Variants in ZBTB10 observed in about 807,000 individuals in gnomAD.
ZBTB10 encodes the protein zinc finger and BTB domain containing 10.
Under a neutral mutation model 76.4 loss-of-function variants are expected in ZBTB10, and 32 were observed. The observed-to-expected ratio is 0.42, with a 90% CI of 0.32 to 0.56. The LOEUF is 0.56. Among genes scored for constraint, ZBTB10 ranks in the 20% least tolerant of loss-of-function variants. ZBTB10 has a pLI of 0.14. For missense variants in ZBTB10, 1,057 were observed against 1,098.5 expected, an observed-to-expected ratio of 0.96 and a Z score of 0.53; for synonymous variants, 523 against 432.9, an observed-to-expected ratio of 1.21 and a Z score of -2.58.
intron 1 of ZBTB10, among the ~76,000 whole-genome samples, chr8:80,493,193 A>ATGCGCGCG (rs1491520799): frequency 3.2e-5 from 4 of 124,516 alleles, no homozygotes; most frequent in Admixed American, 8.1e-5. Context: ...GTGCCTCAAA[A>ATGCGCGCG]CGCGCGCGCG....
chr8:80,486,508 C>CTCTCCGCCGCCCGCCCCCT lies in ZBTB10; in HGVS notation c.-295_-277dup. The CTCTCCGCCGCCCGCCCCCT allele has an allele frequency of 1.0e-6, 1 of 985,358 alleles. No homozygotes were observed. The highest frequency in any genetic ancestry group is 1.2e-6 in the Non-Finnish European group (1 of 830,138). The allele number at this position is 985,358 out of a possible 1,614,324, so 61.0% of individuals were successfully genotyped here. Reference sequence around the variant, plus strand: ...CGCTCGCTGCAGGCTCGCTCCTCACCTCTCCGCCGCCCGCCCCCTTCTCCG... The same window carrying CTCTCCGCCGCCCGCCCCCT: ...CGCTCGCTGCAGGCTCGCTCCTCACCTCTCCGCCGCCCGCCCCCTTCTCCGCCGCCCGCCCCCTTCTCCG... On this transcript the variant is annotated 5_prime_UTR_variant, in exon 1 of 6. Transcript: ENST00000455036.
chr8:80,495,085 C>T (rs1403859855), intron 1 of ZBTB10, among the ~76,000 whole-genome samples: 1 of 151,624 alleles, frequency 6.6e-6, no homozygotes, highest in Non-Finnish European at 1.5e-5. Context: ...GTGCCTATAG[C>T]AATGGTTCTA....
intron 2 of ZBTB10, among the ~76,000 whole-genome samples, chr8:80,506,159 C>A (rs1490649879): frequency 6.6e-6 from 1 of 151,898 alleles, no homozygotes; most frequent in Non-Finnish European, 1.5e-5. Flanking sequence ...CAGACAGCCT[C>A]CCTAATGGGA....
intron 1 of ZBTB10, among the ~76,000 whole-genome samples, chr8:80,494,893 C>G (rs1178013179): frequency 6.7e-6 from 1 of 149,784 alleles, no homozygotes; most frequent in East Asian, 2.0e-4. Context: ...CCACTGCACT[C>G]CAGCCTGGGT....
chr8:80,514,440 A>G (rs1168589736), intron 3 of ZBTB10, among the ~76,000 whole-genome samples: 1 of 152,240 alleles, frequency 6.6e-6, no homozygotes, highest in Non-Finnish European at 1.5e-5. Flanking sequence ...ATATAAAAAC[A>G]AAGAATCCAT....
intron 1 of ZBTB10, among the ~76,000 whole-genome samples, chr8:80,497,940 C>A (rs183029810): frequency 1.3e-5 from 2 of 152,090 alleles, no homozygotes; most frequent in Admixed American, 1.3e-4. Context: ...GGATTACAGG[C>A]GTGAGCCACC....
In ZBTB10 at chr8:80,514,018, G is replaced by A. The variant is rs753430726; in HGVS notation, c.1960+10G>A. The A allele has an allele frequency of 1.2e-6, 2 of 1,610,816 alleles. No homozygotes were observed. Among genetic ancestry groups the A allele is most frequent in the Admixed American group, 3.3e-5 (2 of 59,786 alleles). ...GATGGAGGTGATGCTGGTAGGTACA[G>A]TAAGATTTTAGCAACAGTACATTTA... On this transcript the variant is annotated intron_variant, in intron 3 of 5. Coordinates refer to ENST00000455036, the MANE Select transcript of ZBTB10 (RefSeq NM_001105539.3).
rs749017672 is a variant in ZBTB10, at chr8:80,500,393, T to C, written c.1861+11T>C. 4.6e-6 allele frequency: 7 copies of C among 1,531,420 alleles called. No homozygotes were observed. The Admixed American group carries it at 6.5e-5, about 14-fold the overall frequency. 94.9% of individuals were successfully genotyped at this position (1,531,420 alleles called of 1,614,324 possible). ...TCAAGGAAGAACCAGGTAAATATTA[T>C]CTATACAAGGATACTTCCTTGTTCA... On this transcript the variant is annotated intron_variant, in intron 2 of 5. Coordinates refer to ENST00000455036, the MANE Select transcript of ZBTB10 (RefSeq NM_001105539.3).
intron 1 of ZBTB10, among the ~76,000 whole-genome samples, chr8:80,488,273 T>C (rs1261350997): frequency 1.3e-5 from 2 of 152,184 alleles, no homozygotes. Context: ...GCCGAAAAAA[T>C]TCTTTATATG....
At chr8:80,493,198 C>T (rs1393825193) in intron 1 of ZBTB10, among the ~76,000 whole-genome samples, 8 of 112,388 alleles carry the variant, frequency 7.1e-5, no homozygotes, top group Admixed American at 1.8e-4. Context: ...TCAAAACGCG[C>T]GCGCGCGCGC....
rs1467426854 is a variant in ZBTB10, at chr8:80,523,339, G to A, written c.*3811G>A. On this transcript the variant is annotated 3_prime_UTR_variant, in exon 6 of 6. Coordinates refer to ENST00000455036, the MANE Select transcript of ZBTB10 (RefSeq NM_001105539.3). ...AAGACAGCTGTGTTTAGAATTTTGAGTGTCTTTCCTCCCCCCAATAAATTT... is the reference window on the plus strand; with the variant it reads ...AAGACAGCTGTGTTTAGAATTTTGAATGTCTTTCCTCCCCCCAATAAATTT... 6.6e-6 allele frequency: 1 copy of A among 151,944 alleles called. No homozygotes were observed. The highest frequency in any genetic ancestry group is 1.5e-5 in the Non-Finnish European group (1 of 67,870). The allele number at this position is 151,944 out of a possible 1,614,324, so 9.4% of individuals were successfully genotyped here. A position where few individuals can be genotyped will look rare whatever the true frequency, so the allele number is the denominator to read the frequency against.
Position 80,509,057 on chromosome 8 carries a change from A to G in ZBTB10, c.1862-4853A>G, listed in dbSNP as rs113282822. ...AGTAAGATGGGGCAGTCACTTGTCA[A>G]TGAGTTTGCGAGTGAAAGGGAAGCT... On this transcript the variant is annotated intron_variant, in intron 2 of 5. Transcript: ENST00000455036. Among the ~76,000 whole-genome samples, 12 of 152,326 alleles carry G rather than the reference A, an allele frequency of 7.9e-5. 2 individuals are homozygous for G. The highest frequency in any genetic ancestry group is 2.6e-4 in the African/African-American group (11 of 41,586).
chr8:80,512,159 C>G (rs1816210395), intron 2 of ZBTB10, among the ~76,000 whole-genome samples: 1 of 152,108 alleles, frequency 6.6e-6, no homozygotes, highest in African/African-American at 2.4e-5. Context: ...CCCATTTACT[C>G]TAAGCAATAA....
At chr8:80,485,946 T>G, upstream of ZBTB10, 1 of 1,492,194 alleles carries the variant, frequency 6.7e-7, no homozygotes, top group Non-Finnish European at 9.0e-7. Flanking sequence ...GTCCTCCGCG[T>G]AGCCCGGCCC....
At chr8:80,486,044 C>A (rs1465043698), upstream of ZBTB10, 7 of 1,020,632 alleles carry the variant, frequency 6.9e-6, no homozygotes, top group Non-Finnish European at 8.0e-6. Context: ...TCCTTCCCCG[C>A]GGCCGCACCC....
chr8:80,498,885 T>C (rs892261670), intron 1 of ZBTB10, among the ~76,000 whole-genome samples: 3 of 152,238 alleles, frequency 2.0e-5, no homozygotes, highest in African/African-American at 7.2e-5. Flanking sequence ...TAAAGCGTTT[T>C]GAAAGTTGAT....
chr8:80,524,321 A>T lies in ZBTB10; in HGVS notation c.*4793A>T, dbSNP rs1408562857. 5 of 152,118 alleles carry T rather than the reference A, an allele frequency of 3.3e-5. No individual in the cohort carries two copies. Among genetic ancestry groups the T allele is most frequent in the African/African-American group, 7.2e-5 (3 of 41,452 alleles). The allele number at this position is 152,118 out of a possible 1,614,324, so 9.4% of individuals were successfully genotyped here. A position where few individuals can be genotyped will look rare whatever the true frequency, so the allele number is the denominator to read the frequency against. On this transcript the variant is annotated 3_prime_UTR_variant, in exon 6 of 6. Coordinates refer to ENST00000455036, the MANE Select transcript of ZBTB10 (RefSeq NM_001105539.3). ...GCTTTAATTAATAGCAGTGATTTGT[A>T]ATCAGTGTATCTTTTAAGATTCTCT...
chr8:80,518,987 A>G (rs1393676623), intron 5 of ZBTB10, 33 bp downstream of exon 5: 3 of 1,554,702 alleles, frequency 1.9e-6, no homozygotes, highest in South Asian at 2.4e-5. Flanking sequence ...GATCTTTGAG[A>G]TAAACTATAT....
At chr8:80,494,922 C>CA (rs35629668) in intron 1 of ZBTB10, among the ~76,000 whole-genome samples, 6,981 of 104,850 alleles carry the variant, frequency 0.067, 184 homozygotes, top group Middle Eastern at 0.12. Flanking sequence ...GACACTGTCT[C>CA]AAAAAAAAAA....
Sources: allele counts gnomAD v4.1 joint callset (sites outside exome capture counted in the v4.1 genomes callset), GRCh38; gene constraint gnomAD v4.1.1; transcripts MANE v1.5; gene names NCBI Gene and HGNC (gene_info 2026-07-23, HGNC 2026-07-21).